The following MLLT10 variants were observed in gnomAD, a reference collection of about 807,000 sequenced individuals.
MLLT10 encodes MLLT10 histone lysine methyltransferase DOT1L cofactor, also known as protein AF-10.
MLLT10 carries 30 observed loss-of-function variants against 129.1 expected under a neutral mutation model. That is an observed-to-expected ratio of 0.23 (90% CI 0.17 to 0.32). MLLT10 has a LOEUF of 0.32. Among genes scored for constraint, MLLT10 ranks in the 10% least tolerant of loss-of-function variants. MLLT10 has a pLI of 1.00. For missense variants in MLLT10, 1,119 were observed against 1,268.3 expected, an observed-to-expected ratio of 0.88 and a Z score of 1.79; for synonymous variants, 490 against 446.4, an observed-to-expected ratio of 1.10 and a Z score of -1.23.
chr10:21,661,004 A>C lies in MLLT10; in HGVS notation c.795+9236A>C, dbSNP rs180898866. Among the ~76,000 whole-genome samples, 28 of 151,580 alleles carry C rather than the reference A, an allele frequency of 1.8e-4. No individual in the cohort carries two copies. In the East Asian group the frequency reaches 5.4e-3, roughly 29 times the overall value. The stretch of plus-strand genomic sequence containing the variant: ...AAATTTTTATGTTTTATTTTCATTT[A>C]GTTCCATATATTTTAAAATTTCTCT... On this transcript the variant is annotated intron_variant, in intron 9 of 22. Coordinates refer to ENST00000307729, the MANE Select transcript of MLLT10 (RefSeq NM_001195626.3).
At chr10:21,535,394 C>T (rs1404067638) in intron 2 of MLLT10, among the ~76,000 whole-genome samples, 1 of 152,086 alleles carries the variant, frequency 6.6e-6, no homozygotes. Context: ...CGCCGCCGCC[C>T]GGTAGCTGTC....
intron 11 of MLLT10, among the ~76,000 whole-genome samples, 168 bp from the exon 12 acceptor site, chr10:21,681,164 C>T (rs1208908848): frequency 1.3e-5 from 2 of 152,032 alleles, no homozygotes; most frequent in African/African-American, 4.8e-5. Flanking sequence ...TGGTTCTCCC[C>T]CTCATGTCCC....
At chr10:21,637,351 G>A (rs1442653326) in intron 8 of MLLT10, among the ~76,000 whole-genome samples, 1 of 152,130 alleles carries the variant, frequency 6.6e-6, no homozygotes, top group African/African-American at 2.4e-5. Context: ...GTGTCATAGA[G>A]CCCCTGTTAT....
At chr10:21,598,502 T>A (rs544467757) in intron 5 of MLLT10, among the ~76,000 whole-genome samples, 2 of 152,326 alleles carry the variant, frequency 1.3e-5, no homozygotes, top group South Asian at 4.1e-4. Context: ...TCAGTCAGCA[T>A]GGCTAGGAAA....
intron 3 of MLLT10, chr10:21,541,424 C>T (rs921824227): frequency 6.6e-6 from 1 of 151,888 alleles, no homozygotes; most frequent in Non-Finnish European, 1.5e-5. Flanking sequence ...CTCGCTCTGT[C>T]GCCCTGGCCG....
At chr10:21,543,321 A>C (rs990112581) in intron 3 of MLLT10, among the ~76,000 whole-genome samples, 1 of 151,768 alleles carries the variant, frequency 6.6e-6, no homozygotes, top group East Asian at 1.9e-4. Context: ...GGGCTTCTCC[A>C]TTTTGGCCAG....
chr10:21,712,190 A>G (rs1251048028), intron 13 of MLLT10, among the ~76,000 whole-genome samples: 2 of 103,496 alleles, frequency 1.9e-5, no homozygotes, highest in Non-Finnish European at 3.9e-5. Flanking sequence ...TTTATTATAT[A>G]AGTCAATAAC....
At chr10:21,591,079 A>G (rs928975566) in intron 4 of MLLT10, among the ~76,000 whole-genome samples, 1 of 152,090 alleles carries the variant, frequency 6.6e-6, no homozygotes, top group Non-Finnish European at 1.5e-5. Flanking sequence ...TTGTTTTGAG[A>G]CAGGGTCTCA....
chr10:21,625,403 T>G, intron 8 of MLLT10: 1 of 815,124 alleles, frequency 1.2e-6, no homozygotes, highest in Admixed American at 1.9e-5. Flanking sequence ...TTCCAATATT[T>G]CGTCTGTGCC....
At chr10:21,681,405 G>C (rs747635672) in intron 12 of MLLT10, 29 bp downstream of exon 12, 4 of 1,530,658 alleles carry the variant, frequency 2.6e-6, no homozygotes, top group Non-Finnish European at 2.7e-6. Flanking sequence ...TTGATAACCC[G>C]GGCCTTTTGT....
chr10:21,737,474 G>A (rs190523577), intron 21 of MLLT10, among the ~76,000 whole-genome samples: 1 of 152,282 alleles, frequency 6.6e-6, no homozygotes, highest in East Asian at 1.9e-4. Context: ...AGCAGAGGAG[G>A]AGATGAGAAC....
At chr10:21,665,744 A>ATTG (rs1270244925) in intron 9 of MLLT10, among the ~76,000 whole-genome samples, 1 of 151,796 alleles carries the variant, frequency 6.6e-6, no homozygotes, top group Admixed American at 6.6e-5. Flanking sequence ...TATTATTATT[A>ATTG]TTGGAACAGG....
chr10:21,735,399 A>C (rs968325190), intron 21 of MLLT10, among the ~76,000 whole-genome samples, 164 bp downstream of exon 21: 1 of 152,210 alleles, frequency 6.6e-6, no homozygotes, highest in Admixed American at 6.5e-5. Flanking sequence ...CAGTGATGTC[A>C]CATTCATTCC....
rs1833894796 is a variant in MLLT10, at chr10:21,743,220, G to GT, written c.*1238dup. ...CCAGCTGTAATTAGACCTCCACTGTGTACTTAGCTGGAAGAACATGTTAAT... is the reference window on the plus strand; with the variant it reads ...CCAGCTGTAATTAGACCTCCACTGTGTTACTTAGCTGGAAGAACATGTTAAT... On this transcript the variant is annotated 3_prime_UTR_variant, in exon 23 of 23. Coordinates refer to ENST00000307729, the MANE Select transcript of MLLT10 (RefSeq NM_001195626.3). The GT allele has an allele frequency of 4.4e-6, 1 of 228,474 alleles. No individual in the cohort carries two copies. The highest frequency in any genetic ancestry group is 1.8e-4 in the South Asian group (1 of 5,490). The allele number at this position is 228,474 out of a possible 1,614,324, so 14.2% of individuals were successfully genotyped here.
intron 14 of MLLT10, among the ~76,000 whole-genome samples, chr10:21,725,940 CG>C: frequency 6.6e-6 from 1 of 151,604 alleles, no homozygotes; most frequent in South Asian, 2.1e-4. Flanking sequence ...TTAGTAGAGA[CG>C]GGGGTTTCAC....
chr10:21,538,221 A>G (rs980387080), intron 2 of MLLT10, among the ~76,000 whole-genome samples: 3 of 150,024 alleles, frequency 2.0e-5, no homozygotes, highest in African/African-American at 7.4e-5. Flanking sequence ...CTGGAGTGCA[A>G]TGGTGCGATC....
At chr10:21,622,644 T>C (rs1271253787) in intron 8 of MLLT10, among the ~76,000 whole-genome samples, 3 of 152,236 alleles carry the variant, frequency 2.0e-5, no homozygotes, top group Non-Finnish European at 2.9e-5. Context: ...CTGTTAATGT[T>C]AGTTAATGTT....
chr10:21,555,604 G>C (rs1005057892), intron 3 of MLLT10, among the ~76,000 whole-genome samples: 4 of 151,812 alleles, frequency 2.6e-5, no homozygotes, highest in African/African-American at 9.7e-5. Flanking sequence ...GTACTGTTTT[G>C]GCCTGTCTTT....
At chr10:21,608,504 T>C (rs2044286025) in intron 5 of MLLT10, among the ~76,000 whole-genome samples, 1 of 152,140 alleles carries the variant, frequency 6.6e-6, no homozygotes, top group Non-Finnish European at 1.5e-5. Context: ...TGTGAATCTC[T>C]TTGTTTTCAT....
Sources: allele counts gnomAD v4.1 joint callset (sites outside exome capture counted in the v4.1 genomes callset), GRCh38; gene constraint gnomAD v4.1.1; transcripts MANE v1.5; gene names NCBI Gene and HGNC (gene_info 2026-07-23, HGNC 2026-07-21).